ASNS: variants seen among roughly 807,000 people sequenced by gnomAD.
ASNS encodes the protein asparagine synthetase (glutamine-hydrolyzing).
Under a neutral mutation model 62.6 loss-of-function variants are expected in ASNS, and 37 were observed. The ratio of observed to expected loss-of-function variants is 0.59; its 90% CI spans 0.45 to 0.78. The LOEUF (loss-of-function observed/expected upper bound fraction) is 0.78. ASNS is among the 30% of genes least tolerant of loss of function. ASNS has a pLI of 0.00. For synonymous variants in ASNS, 207 were observed against 237.9 expected, an observed-to-expected ratio of 0.87 and a Z score of 1.19; for missense variants, 520 against 682.4, an observed-to-expected ratio of 0.76 and a Z score of 2.65.
In ASNS at chr7:97,853,872, G is replaced by A. The variant is rs188129513; in HGVS notation, c.1239-486C>T. Among the ~76,000 whole-genome samples, 6 of 152,178 alleles carry A rather than the reference G, an allele frequency of 3.9e-5. No homozygotes were observed. The East Asian group carries it at 7.8e-4, about 20-fold the overall frequency. ...ATATTTCATCAAATTCCAAATCACC[G>A]GTTTCCTGAAGCCTAGTGACTCTAG... On this transcript the variant is annotated intron_variant, in intron 10 of 12. Transcript: ENST00000394308.
At chr7:97,903,512 C>G in the ASNS span, among the ~76,000 whole-genome samples, 1 of 152,156 alleles carries the variant, frequency 6.6e-6, no homozygotes, top group Non-Finnish European at 1.5e-5. Context: ...CACGGTTCCC[C>G]GAACAGGAGA....
Position 97,864,412 on chromosome 7 carries a change from G to T in ASNS, c.334C>A (p.Gln112Lys), listed in dbSNP as rs1791865129. Reference protein sequence around the residue: ...LHLYDKGGIEQTICMLDGVFA... With the variant: ...LHLYDKGGIEKTICMLDGVFA... ...ACACCATCCAACATACAAATTGTTT[G>T]CTCAATTCCTCCTTTGTCATAAAGA... Residue 112 changes from glutamine to lysine, a missense_variant, in exon 4 of 13, where the codon CAA (glutamine) becomes AAA (lysine). Gln to Lys is a moderately conservative substitution (Grantham distance 53, BLOSUM62 1). Coordinates refer to ENST00000394308, the MANE Select transcript of ASNS (RefSeq NM_001673.5). The T allele has an allele frequency of 6.2e-7, 1 of 1,613,918 alleles. No individual in the cohort carries two copies. The highest frequency in any genetic ancestry group is 1.3e-5 in the African/African-American group (1 of 75,026).
At position 97,852,260 on chromosome 7, in the gene ASNS, T is replaced by TA. The variant is rs777391418; in HGVS notation, c.1684dup (p.Ter562LeufsTer9). ...TTCACATTACAGCATAAAGACCACCTAAGCTTTGACAGCTGACTTGTAGTG... is the reference window on the plus strand; with the variant it reads ...TTCACATTACAGCATAAAGACCACCTAAAGCTTTGACAGCTGACTTGTAGTG... On this transcript the variant is annotated frameshift_variant and stop_lost, in exon 13 of 13. Transcript: ENST00000394308. LOFTEE classifies it high-confidence loss of function. The TA allele has an allele frequency of 3.1e-6, 5 of 1,614,092 alleles. No individual in the cohort carries two copies. The highest frequency in any genetic ancestry group is 3.4e-6 in the Non-Finnish European group (4 of 1,180,012).
intron 4 of ASNS, among the ~76,000 whole-genome samples, chr7:97,860,035 T>A (rs1791638901): frequency 6.6e-6 from 1 of 152,224 alleles, no homozygotes; most frequent in African/African-American, 2.4e-5. Context: ...CAATGTTTTA[T>A]TGTAGATCGT....
At chr7:97,873,225 T>C (rs1374745598), upstream of ASNS, among the ~76,000 whole-genome samples, 2 of 152,248 alleles carry the variant, frequency 1.3e-5, no homozygotes, top group African/African-American at 4.8e-5. Flanking sequence ...ATCTCTTTGA[T>C]GAAGAAAAGA....
chr7:97,852,637 T>C (rs1791235639), intron 12 of ASNS, among the ~76,000 whole-genome samples, 169 bp from the exon 13 acceptor site: 2 of 152,338 alleles, frequency 1.3e-5, no homozygotes, highest in African/African-American at 4.8e-5. Flanking sequence ...TATGGATAGC[T>C]GCAGTGCCTT....
At chr7:97,912,071 T>C in the ASNS span, among the ~76,000 whole-genome samples, 1 of 152,090 alleles carries the variant, frequency 6.6e-6, no homozygotes, top group African/African-American at 2.4e-5. Flanking sequence ...AAACCAGCCT[T>C]GTGCACAGGA....
upstream of ASNS, among the ~76,000 whole-genome samples, chr7:97,876,729 A>G (rs1792445735): frequency 6.6e-6 from 1 of 152,000 alleles, no homozygotes; most frequent in South Asian, 2.1e-4. Flanking sequence ...CCCAGCTCAA[A>G]AATACTATTA....
intron 4 of ASNS, among the ~76,000 whole-genome samples, chr7:97,862,009 T>C (rs1449953993): frequency 6.6e-6 from 1 of 152,366 alleles, no homozygotes; most frequent in East Asian, 1.9e-4. Context: ...TACCATTGAT[T>C]TTTGTATATT....
chr7:97,919,533 G>T, the ASNS span, among the ~76,000 whole-genome samples: 48 of 152,220 alleles, frequency 3.2e-4, no homozygotes, highest in Admixed American at 3.0e-3. Context: ...AGAAAAACAT[G>T]AATGGATCAG....
intron 4 of ASNS, among the ~76,000 whole-genome samples, chr7:97,859,988 C>T (rs1366031196): frequency 6.6e-6 from 1 of 152,150 alleles, no homozygotes; most frequent in African/African-American, 2.4e-5. Flanking sequence ...CAGTACAGTA[C>T]CCAACCTCTC....
chr7:97,894,797 G>A, the ASNS span, among the ~76,000 whole-genome samples: 1 of 152,110 alleles, frequency 6.6e-6, no homozygotes, highest in Non-Finnish European at 1.5e-5. Flanking sequence ...AATTTATAAA[G>A]AAAAACAAAC....
the ASNS span, among the ~76,000 whole-genome samples, chr7:97,884,374 C>G: frequency 6.6e-6 from 1 of 152,094 alleles, no homozygotes; most frequent in Non-Finnish European, 1.5e-5. Flanking sequence ...CATGGTGGAA[C>G]CCCATCTCTA....
chr7:97,884,413 G>C, the ASNS span, among the ~76,000 whole-genome samples: 1 of 152,106 alleles, frequency 6.6e-6, no homozygotes, highest in Admixed American at 6.5e-5. Context: ...GCCAGGTGTG[G>C]TGGATGGCAC....
the ASNS span, among the ~76,000 whole-genome samples, chr7:97,878,775 C>T: frequency 7.1e-4 from 108 of 152,198 alleles, no homozygotes; most frequent in Non-Finnish European, 9.6e-4. Context: ...ACTTTCTTCA[C>T]GGAATTGGAA....
chr7:97,868,684 T>C (rs1472092972), intron 3 of ASNS, among the ~76,000 whole-genome samples: 1 of 152,198 alleles, frequency 6.6e-6, no homozygotes, highest in African/African-American at 2.4e-5. Flanking sequence ...TAAGAGTCAA[T>C]GAAACTGAAC....
chr7:97,905,345 C>A, the ASNS span, among the ~76,000 whole-genome samples: 1 of 152,128 alleles, frequency 6.6e-6, no homozygotes, highest in African/African-American at 2.4e-5. Flanking sequence ...AATCTCCATA[C>A]CCCATTGATG....
chr7:97,899,002 T>C, the ASNS span: 2 of 728,108 alleles, frequency 2.7e-6, no homozygotes, highest in Admixed American at 1.8e-5. Flanking sequence ...ATTTCTTATA[T>C]TGAACATAGG....
At chr7:97,916,239 G>A in the ASNS span, among the ~76,000 whole-genome samples, 1 of 151,946 alleles carries the variant, frequency 6.6e-6, no homozygotes, top group Non-Finnish European at 1.5e-5. Context: ...AAATTAGCTG[G>A]GTATGGTTGT....
Sources: gnomAD v4.1 joint callset for allele counts (sites outside exome capture counted in the v4.1 genomes callset) on GRCh38, gnomAD v4.1.1 for gene constraint, MANE v1.5 for transcripts, NCBI Gene and HGNC (gene_info 2026-07-23, HGNC 2026-07-21) for gene names.